Variants in ADAMTS12 observed in about 807,000 individuals in gnomAD.
The protein encoded by ADAMTS12 is ADAM metallopeptidase with thrombospondin type 1 motif 12.
In ADAMTS12, 118 loss-of-function variants were observed where a neutral mutation model predicts 167.8. The observed-to-expected ratio is 0.70, with a 90% CI of 0.61 to 0.82. The LOEUF (loss-of-function observed/expected upper bound fraction) is 0.82. ADAMTS12 is among the 40% of genes least tolerant of loss of function. The probability of loss-of-function intolerance (pLI) is 0.00; values close to 1 mark genes in which losing one functional copy is unlikely to be tolerated. For missense variants in ADAMTS12, 1,916 were observed against 1,998.8 expected (o/e 0.96, Z 0.79); for synonymous variants, 704 against 716.9 (o/e 0.98, Z 0.29).
At chr5:33,643,512 C>T (rs4866409) in intron 9 of ADAMTS12, 42 bp from the exon 10 acceptor site, 962,746 of 1,570,644 alleles carry the variant, frequency 0.61, 297,889 homozygotes, top group East Asian at 0.65. Context: ...TCAAAACCTG[C>T]CACAAAGCAT....
At chr5:33,729,984 G>GCAAAAGTTCCATTCTGGAGCTC (rs1047086223) in intron 3 of ADAMTS12, among the ~76,000 whole-genome samples, 2 of 152,130 alleles carry the variant, frequency 1.3e-5, no homozygotes, top group Admixed American at 6.5e-5. Context: ...CTGTCTATGG[G>GCAAAAGTTCCATTCTGGAGCTC]CAAAAGTTCC....
chr5:33,778,959 T>A (rs1479484521), intron 2 of ADAMTS12, among the ~76,000 whole-genome samples: 1 of 152,012 alleles, frequency 6.6e-6, no homozygotes, highest in Non-Finnish European at 1.5e-5. Context: ...TGAGATACCA[T>A]CTCATACCTG....
chr5:33,686,623 G>A (rs1333648790), intron 3 of ADAMTS12, among the ~76,000 whole-genome samples: 1 of 151,876 alleles, frequency 6.6e-6, no homozygotes, highest in Non-Finnish European at 1.5e-5. Context: ...TTGGCAGTTA[G>A]ATCGAGATGA....
intron 20 of ADAMTS12, among the ~76,000 whole-genome samples, chr5:33,550,550 T>G (rs1329532525): frequency 6.6e-6 from 1 of 152,176 alleles, no homozygotes; most frequent in Non-Finnish European, 1.5e-5. Flanking sequence ...GGGGTTCCCA[T>G]GTCCTGAATG....
intron 18 of ADAMTS12, among the ~76,000 whole-genome samples, chr5:33,587,301 T>A (rs893223409): frequency 6.6e-6 from 1 of 152,232 alleles, no homozygotes; most frequent in Non-Finnish European, 1.5e-5. Context: ...ATCAAATATT[T>A]TTTAAACACA....
At chr5:33,547,760 C>T (rs1015183669) in intron 21 of ADAMTS12, among the ~76,000 whole-genome samples, 12 of 152,074 alleles carry the variant, frequency 7.9e-5, no homozygotes, top group African/African-American at 2.7e-4. Context: ...AGACCTTTTT[C>T]ATAACCAGAA....
At position 33,781,687 on chromosome 5, in the gene ADAMTS12, C is replaced by CT. The variant is rs147183333; in HGVS notation, c.490-30140dup. ...ATTCTTTCTTATCAACCTGTAAACT[C>CT]TTTTTTTTTTATTTTATTATTATTA... is the stretch of plus-strand genomic sequence containing the variant. On this transcript the variant is annotated intron_variant, in intron 2 of 23. Coordinates refer to ENST00000504830, the MANE Select transcript of ADAMTS12 (RefSeq NM_030955.4). Among the ~76,000 whole-genome samples, 797 of 150,038 alleles carry CT rather than the reference C, an allele frequency of 5.3e-3. 11 individuals are homozygous for CT. Among genetic ancestry groups the CT allele is most frequent in the African/African-American group, 0.018 (750 of 40,972 alleles).
At chr5:33,856,660 A>T (rs1749412325) in intron 2 of ADAMTS12, among the ~76,000 whole-genome samples, 1 of 152,090 alleles carries the variant, frequency 6.6e-6, no homozygotes, top group Non-Finnish European at 1.5e-5. Context: ...AAGGTGGAAA[A>T]CTTCACTAAA....
At chr5:33,725,171 G>A (rs1002964714) in intron 3 of ADAMTS12, among the ~76,000 whole-genome samples, 1 of 152,118 alleles carries the variant, frequency 6.6e-6, no homozygotes, top group African/African-American at 2.4e-5. Flanking sequence ...AACAGCTCCC[G>A]ATATGATTCT....
intron 2 of ADAMTS12, among the ~76,000 whole-genome samples, chr5:33,790,567 A>G (rs1352152910): frequency 6.6e-6 from 1 of 150,644 alleles, no homozygotes; most frequent in Admixed American, 6.6e-5. Context: ...AAAAAAAAAA[A>G]AAAAGAAAAA....
At chr5:33,712,804 A>AT (rs1429819125) in intron 3 of ADAMTS12, among the ~76,000 whole-genome samples, 3 of 152,098 alleles carry the variant, frequency 2.0e-5, no homozygotes, top group African/African-American at 7.2e-5. Context: ...GGTTAGTACA[A>AT]TGCTGTCCTC....
intron 3 of ADAMTS12, among the ~76,000 whole-genome samples, chr5:33,742,584 T>C (rs1744631014): frequency 6.6e-6 from 1 of 152,208 alleles, no homozygotes; most frequent in African/African-American, 2.4e-5. Flanking sequence ...AGCACCACAC[T>C]GTAAACATAC....
chr5:33,705,551 GC>G (rs1561225367), intron 3 of ADAMTS12, among the ~76,000 whole-genome samples: 1 of 152,098 alleles, frequency 6.6e-6, no homozygotes, highest in Non-Finnish European at 1.5e-5. Context: ...GGTGGCTCAA[GC>G]CTGTAATCCC....
chr5:33,814,621 A>C (rs1267806202), intron 2 of ADAMTS12, among the ~76,000 whole-genome samples: 1 of 152,130 alleles, frequency 6.6e-6, no homozygotes, highest in African/African-American at 2.4e-5. Context: ...CCCAGGGAAT[A>C]TAAGTGTAGA....
At position 33,766,132 on chromosome 5, in the gene ADAMTS12, T is replaced by C. The variant is rs1399145545; in HGVS notation, c.490-14584A>G. Among the ~76,000 whole-genome samples, 10 of 152,266 alleles carry C rather than the reference T, an allele frequency of 6.6e-5. No homozygotes were observed. The East Asian group carries it at 1.9e-3, about 29-fold the overall frequency. ...GAACTTAACTGCCCCCTGTGTTTAG[T>C]GACTTGGTTTCAAAGAGCAGAGTAT... On this transcript the variant is annotated intron_variant, in intron 2 of 23. Coordinates refer to ENST00000504830, the MANE Select transcript of ADAMTS12 (RefSeq NM_030955.4).
chr5:33,576,668 C>T lies in ADAMTS12; in HGVS notation c.3358G>A (p.Val1120Ile). 3 of 1,614,230 alleles carry T rather than the reference C, an allele frequency of 1.9e-6. No homozygotes were observed. The highest frequency in any genetic ancestry group is 2.2e-5 in the South Asian group (2 of 91,084). ...CCAGAACCACTTGTTGTTGTAGCTA[C>T]AAGGCCTCCCTCCGAGGTAGGACCA... The part of the protein sequence containing the change: ...DTGPTSEGGL[V>I]ATTTSGSGLS... The change falls in exon 19 of 24, where the codon GTA becomes ATA. Residue 1120 changes from valine to isoleucine, a missense_variant. Transcript: ENST00000504830.
Position 33,805,904 on chromosome 5 carries a change from A to G in ADAMTS12, c.490-54356T>C, listed in dbSNP as rs6863561. 6.9e-3 allele frequency among the ~76,000 whole-genome samples: 992 copies of G among 143,028 alleles called. 11 individuals are homozygous for G. Among genetic ancestry groups the G allele is most frequent in the African/African-American group, 0.025 (955 of 37,472 alleles). The allele number at this position is 143,028 out of a possible 152,430, so 93.8% of individuals were successfully genotyped here. A position where few individuals can be genotyped will look rare whatever the true frequency, so the allele number is the denominator to read the frequency against. On this transcript the variant is annotated intron_variant, in intron 2 of 23. Transcript: ENST00000504830. ...TTTTGTCTCTGAAAAGAAAAGGGGG[A>G]AAAAAAAGCCACCTCTCATTTAAAA...
chr5:33,581,368 C>T (rs1436560513), intron 18 of ADAMTS12, among the ~76,000 whole-genome samples: 2 of 152,172 alleles, frequency 1.3e-5, no homozygotes, highest in Non-Finnish European at 2.9e-5. Flanking sequence ...TTATCACCAT[C>T]CTGGATACAG....
At chr5:33,888,737 G>C (rs1750735176) in intron 1 of ADAMTS12, among the ~76,000 whole-genome samples, 1 of 152,138 alleles carries the variant, frequency 6.6e-6, no homozygotes, top group African/African-American at 2.4e-5. Context: ...CAAACCTAAG[G>C]GGATATGATT....
Sources: allele counts gnomAD v4.1 joint callset (sites outside exome capture counted in the v4.1 genomes callset), GRCh38; gene constraint gnomAD v4.1.1; transcripts MANE v1.5; gene names NCBI Gene and HGNC (gene_info 2026-07-23, HGNC 2026-07-21).